The following THSD4 variants were observed in gnomAD, a reference collection of about 807,000 sequenced individuals.
THSD4 encodes the protein thrombospondin type-1 domain-containing protein 4.
THSD4 carries 69 observed loss-of-function variants against 119.0 expected under a neutral mutation model. The ratio of observed to expected loss-of-function variants is 0.58; its 90% CI spans 0.48 to 0.71. The LOEUF is 0.71. Among genes scored for constraint, THSD4 ranks in the 30% least tolerant of loss-of-function variants. The pLI, the probability that THSD4 is intolerant of heterozygous loss-of-function variation, is 0.00. For synonymous variants in THSD4, 524 were observed against 540.4 expected (o/e 0.97, Z 0.42); for missense variants, 1,393 against 1,391.1 (o/e 1.00, Z -0.02).
intron 7 of THSD4, among the ~76,000 whole-genome samples, chr15:71,618,044 G>A (rs2050350795): frequency 6.6e-6 from 1 of 152,174 alleles, no homozygotes; most frequent in Admixed American, 6.5e-5. Context: ...TTCCATCTCT[G>A]TTCCTAGCCC....
At position 71,300,187 on chromosome 15, in the gene THSD4, T is replaced by G. The variant is rs867760035; in HGVS notation, c.1015+43472T>G. 1.1e-3 allele frequency among the ~76,000 whole-genome samples: 166 copies of G among 151,876 alleles called. 1 individual carries two copies. The highest frequency in any genetic ancestry group is 3.7e-3 in the African/African-American group (155 of 41,456). ...ATAAATTTAAATATAAAATTAGTTT[T>G]TTAAAAAAGAACAGTTTAGCAACCA... On this transcript the variant is annotated intron_variant, in intron 6 of 17. Coordinates refer to ENST00000261862, the MANE Select transcript of THSD4 (RefSeq NM_024817.3).
intron 1 of THSD4, among the ~76,000 whole-genome samples, chr15:71,106,237 C>T (rs567573144): frequency 4.6e-5 from 7 of 152,260 alleles, no homozygotes; most frequent in Non-Finnish European, 1.0e-4. Context: ...CTTCAAATTG[C>T]AAGGACTTCC....
In THSD4 at chr15:71,745,133, T is replaced by C. The variant is rs769384952; in HGVS notation, c.1934T>C (p.Val645Ala). The C allele has an allele frequency of 1.2e-6, 2 of 1,612,266 alleles. No individual in the cohort carries two copies. The highest frequency in any genetic ancestry group is 1.1e-5 in the South Asian group (1 of 90,976). The stretch of plus-strand genomic sequence containing the variant: ...TCGCAGTACCCTATTTTCCGCTGTG[T>C]GCACAGAAGCACTCATGAAGAGGCT... Reference protein sequence around the residue: ...KGSQYPIFRCVHRSTHEEAPE... With the variant: ...KGSQYPIFRCAHRSTHEEAPE... Residue 645 changes from valine to alanine, a missense_variant, in exon 12 of 18, where the codon GTG becomes GCG. Transcript: ENST00000261862.
chr15:71,551,442 A>C (rs1223790646), intron 7 of THSD4, among the ~76,000 whole-genome samples: 3 of 152,226 alleles, frequency 2.0e-5, no homozygotes, highest in African/African-American at 7.2e-5. Flanking sequence ...ACAAATGATG[A>C]CATATTTGAA....
intron 6 of THSD4, among the ~76,000 whole-genome samples, chr15:71,344,237 G>T (rs1292155566): frequency 1.3e-5 from 2 of 151,824 alleles, no homozygotes. Flanking sequence ...TAGAGACGGG[G>T]TTTCACCGTG....
chr15:71,605,988 A>G (rs1377332406), intron 7 of THSD4, among the ~76,000 whole-genome samples: 1 of 152,166 alleles, frequency 6.6e-6, no homozygotes, highest in African/African-American at 2.4e-5. Flanking sequence ...TGAAGAAAGT[A>G]TTTGAAGCAG....
intron 3 of THSD4, among the ~76,000 whole-genome samples, chr15:71,157,995 A>G (rs2040796906): frequency 6.6e-6 from 1 of 151,946 alleles, no homozygotes; most frequent in South Asian, 2.1e-4. Context: ...CTTTGGATAT[A>G]TATGCAATTG....
At chr15:71,719,865 G>A (rs2052681118) in intron 8 of THSD4, among the ~76,000 whole-genome samples, 1 of 151,736 alleles carries the variant, frequency 6.6e-6, no homozygotes, top group African/African-American at 2.4e-5. Flanking sequence ...TTGTAGGGAT[G>A]GGGTTTCTCC....
At chr15:71,414,950 C>T (rs1006748674) in intron 7 of THSD4, among the ~76,000 whole-genome samples, 3 of 152,214 alleles carry the variant, frequency 2.0e-5, no homozygotes, top group Admixed American at 2.0e-4. Flanking sequence ...AGTACATTTG[C>T]TTCCCAGGCT....
intron 7 of THSD4, among the ~76,000 whole-genome samples, chr15:71,639,248 G>A (rs1272893391): frequency 6.6e-6 from 1 of 152,194 alleles, no homozygotes; most frequent in Non-Finnish European, 1.5e-5. Flanking sequence ...GAAAAGATGA[G>A]TACTTTCATC....
rs117614916 is a variant in THSD4 at position 71,305,853 on chromosome 15, T to C, written c.1015+49138T>C. On this transcript the variant is annotated intron_variant, in intron 6 of 17. Coordinates refer to ENST00000261862, the MANE Select transcript of THSD4 (RefSeq NM_024817.3). ...TTATAGCCCACTCCAAATCTATCCT[T>C]CTCGAGTTCCCACTCACTGGAATCT... Among the ~76,000 whole-genome samples the C allele has an allele frequency of 2.6e-5, 4 of 152,252 alleles. No individual in the cohort carries two copies. In the East Asian group the frequency reaches 7.7e-4, roughly 29 times the overall value.
Position 71,215,406 on chromosome 15 carries a change from G to T in THSD4, c.464+7G>T, listed in dbSNP as rs569567677. 3 of 1,519,412 alleles carry T rather than the reference G, an allele frequency of 2.0e-6. No individual in the cohort carries two copies. The highest frequency in any genetic ancestry group is 1.2e-5 in the South Asian group (1 of 83,010). 94.1% of individuals were successfully genotyped at this position (1,519,412 alleles called of 1,614,324 possible). A position where few individuals can be genotyped will look rare whatever the true frequency, so the allele number is the denominator to read the frequency against. On this transcript the variant is annotated splice_region_variant and intron_variant, in intron 4 of 17. Coordinates refer to ENST00000261862, the MANE Select transcript of THSD4 (RefSeq NM_024817.3). ...AAGTCACTGGGGACAGAAGGTACAC[G>T]CCCGCCCTTGTCTGTGCCGCTCCCC...
intron 7 of THSD4, among the ~76,000 whole-genome samples, chr15:71,454,016 G>C (rs1368903555): frequency 6.6e-6 from 1 of 152,212 alleles, no homozygotes; most frequent in South Asian, 2.1e-4. Context: ...CTGCACTTTG[G>C]GAGGCCAAGG....
At chr15:71,591,985 A>C (rs999917555) in intron 7 of THSD4, among the ~76,000 whole-genome samples, 37 of 152,166 alleles carry the variant, frequency 2.4e-4, no homozygotes, top group Admixed American at 7.2e-4. Context: ...CATCCCTATG[A>C]GGCAGATGTT....
chr15:71,123,606 G>A (rs915080573), intron 1 of THSD4, among the ~76,000 whole-genome samples: 2 of 152,150 alleles, frequency 1.3e-5, no homozygotes, highest in African/African-American at 2.4e-5. Context: ...CCTTAGCAGC[G>A]GGCAGGTGAG....
chr15:71,766,330 G>T (rs900096826), intron 16 of THSD4, among the ~76,000 whole-genome samples: 16 of 152,044 alleles, frequency 1.1e-4, no homozygotes, highest in Admixed American at 1.0e-3. Context: ...GTGGGTTGGG[G>T]TGGGAAGTGG....
chr15:71,260,957 CT>C (rs2044390141), intron 6 of THSD4, among the ~76,000 whole-genome samples: 1 of 152,118 alleles, frequency 6.6e-6, no homozygotes, highest in African/African-American at 2.4e-5. Flanking sequence ...AAAAAATTAC[CT>C]GGGTTTGGTG....
At chr15:71,296,466 G>GT (rs112390331) in intron 6 of THSD4, among the ~76,000 whole-genome samples, 3 of 152,142 alleles carry the variant, frequency 2.0e-5, no homozygotes, top group African/African-American at 7.2e-5. Context: ...CCTAAGGCCT[G>GT]TTGTCTCTAT....
At chr15:71,437,432 G>A (rs771522721) in intron 7 of THSD4, among the ~76,000 whole-genome samples, 7 of 152,188 alleles carry the variant, frequency 4.6e-5, no homozygotes, top group Non-Finnish European at 8.8e-5. Flanking sequence ...TTCTTCCTGC[G>A]ATATGAGTTA....
Sources: gnomAD v4.1 joint callset for allele counts (sites outside exome capture counted in the v4.1 genomes callset) on GRCh38, gnomAD v4.1.1 for gene constraint, MANE v1.5 for transcripts, NCBI Gene and HGNC (gene_info 2026-07-23, HGNC 2026-07-21) for gene names.